Variants in BTD observed in about 807,000 individuals in gnomAD.
BTD encodes biotinidase.
In BTD, 13 loss-of-function variants were observed where a neutral mutation model predicts 17.7. The observed-to-expected ratio is 0.74, with a 90% CI of 0.48 to 1.17. The LOEUF (loss-of-function observed/expected upper bound fraction) is 1.17, where lower values mean the gene tolerates loss of function less well. BTD is among the 50% of genes most tolerant of loss of function. The pLI, the probability that BTD is intolerant of heterozygous loss-of-function variation, is 0.00. For synonymous variants in BTD, 240 were observed against 245.2 expected (o/e 0.98, Z 0.20); for missense variants, 674 against 650.4 (o/e 1.04, Z -0.39).
At chr3:15,680,110 T>A (rs1280931696) in intron 3 of BTD, among the ~76,000 whole-genome samples, 6 of 152,318 alleles carry the variant, frequency 3.9e-5, no homozygotes, top group African/African-American at 1.2e-4. Context: ...GCTATTTTTT[T>A]ATTTTTTTCT....
chr3:15,716,726 A>C (rs1272469880), downstream of BTD, among the ~76,000 whole-genome samples: 1 of 152,254 alleles, frequency 6.6e-6, no homozygotes, highest in Non-Finnish European at 1.5e-5. Context: ...AATTTGATTA[A>C]CAAAATGATG....
intron 1 of BTD, among the ~76,000 whole-genome samples, chr3:15,618,684 C>A (rs4298027): frequency 0.036 from 5,521 of 152,162 alleles, 278 homozygotes; most frequent in African/African-American, 0.11. Flanking sequence ...TGCCACCACA[C>A]CTGGCTAATG....
downstream of BTD, among the ~76,000 whole-genome samples, chr3:15,715,213 G>T (rs1051156567): frequency 1.3e-5 from 2 of 152,126 alleles, no homozygotes; most frequent in Non-Finnish European, 2.9e-5. Flanking sequence ...CCTGATTTAG[G>T]TTATCTTTTC....
chr3:15,611,620 T>G (rs1304487829), intron 1 of BTD, among the ~76,000 whole-genome samples: 4 of 152,112 alleles, frequency 2.6e-5, no homozygotes, highest in Non-Finnish European at 5.9e-5. Flanking sequence ...GTTTAGTTTT[T>G]TCTTTTATCC....
chr3:15,713,734 C>G, downstream of BTD: 1 of 717,250 alleles, frequency 1.4e-6, no homozygotes, highest in Non-Finnish European at 2.2e-6. Flanking sequence ...TGTTCACATA[C>G]AAACTAATAG....
In BTD at chr3:15,603,732, A is replaced by C. The variant is rs2064354421; in HGVS notation, c.-17+1838A>C. Among the ~76,000 whole-genome samples the C allele has an allele frequency of 2.6e-5, 4 of 152,256 alleles. No homozygotes were observed. The South Asian group carries it at 8.3e-4, about 31-fold the overall frequency. ...GTTACTTCCTAGATACAATGGGTGCACGGGAGTGAGGTAAATATACCCGTT... is the reference window on the plus strand; with the variant it reads ...GTTACTTCCTAGATACAATGGGTGCCCGGGAGTGAGGTAAATATACCCGTT... On this transcript the variant is annotated intron_variant, in intron 1 of 3. Coordinates refer to ENST00000643237, the MANE Select transcript of BTD (RefSeq NM_001370658.1).
chr3:15,703,031 T>C (rs928937283), intron 3 of BTD, among the ~76,000 whole-genome samples: 5 of 152,184 alleles, frequency 3.3e-5, no homozygotes, highest in African/African-American at 1.2e-4. Context: ...AAGGTCCCCA[T>C]AGTAAAAGGC....
chr3:15,614,343 T>C (rs903325453), intron 1 of BTD, among the ~76,000 whole-genome samples: 4 of 152,110 alleles, frequency 2.6e-5, no homozygotes, highest in Non-Finnish European at 4.4e-5. Context: ...CTTGAATTCC[T>C]GGCCTCAAGT....
chr3:15,645,774 C>G lies in BTD; in HGVS notation c.*286C>G, dbSNP rs2065680160. On this transcript the variant is annotated 3_prime_UTR_variant, in exon 4 of 4. Transcript: ENST00000643237. ...AAATCTCTCAGTATGCGATTGGTCT[C>G]AAGCTAAAACAAAAATAAATGTCAG... 1.2e-5 allele frequency: 4 copies of G among 346,562 alleles called. No individual in the cohort carries two copies. The South Asian group carries it at 2.1e-4, about 18-fold the overall frequency. 21.5% of individuals were successfully genotyped at this position (346,562 alleles called of 1,614,324 possible).
At chr3:15,657,666 C>T (rs2065884190), downstream of BTD, among the ~76,000 whole-genome samples, 1 of 152,140 alleles carries the variant, frequency 6.6e-6, no homozygotes, top group Non-Finnish European at 1.5e-5. Context: ...AAGCACCCTT[C>T]TTGGGTGGGG....
chr3:15,621,874 A>G (rs1574993028), intron 1 of BTD, among the ~76,000 whole-genome samples: 2 of 152,346 alleles, frequency 1.3e-5, no homozygotes, highest in Admixed American at 1.3e-4. Flanking sequence ...TGCTGGGATT[A>G]CAGGCGTGAG....
At chr3:15,695,558 T>C (rs2069414378) in intron 3 of BTD, among the ~76,000 whole-genome samples, 1 of 152,196 alleles carries the variant, frequency 6.6e-6, no homozygotes, top group African/African-American at 2.4e-5. Context: ...ATGTAATTTA[T>C]AAGGTAAGTC....
intron 3 of BTD, among the ~76,000 whole-genome samples, chr3:15,674,563 T>A (rs1048975725): frequency 6.6e-6 from 1 of 152,178 alleles, no homozygotes; most frequent in African/African-American, 2.4e-5. Flanking sequence ...CGTGGATATA[T>A]AGAGACTGTG....
At chr3:15,679,556 C>T (rs1389024502) in intron 3 of BTD, 1 of 1,610,554 alleles carries the variant, frequency 6.2e-7, no homozygotes, top group East Asian at 2.2e-5. Flanking sequence ...CTACACATGT[C>T]TCGTGACCTA....
intron 2 of BTD, among the ~76,000 whole-genome samples, chr3:15,639,931 C>A (rs2065452937): frequency 6.6e-6 from 1 of 152,062 alleles, no homozygotes; most frequent in Non-Finnish European, 1.5e-5. Flanking sequence ...TGGTGAAACC[C>A]CATCTCCACT....
chr3:15,701,723 C>T (rs568986805), intron 3 of BTD, among the ~76,000 whole-genome samples: 3 of 152,250 alleles, frequency 2.0e-5, no homozygotes, highest in East Asian at 3.9e-4. Flanking sequence ...ATAAAACCCA[C>T]GTCTGGCTCT....
chr3:15,602,281 G>C lies in BTD; in HGVS notation c.-17+387G>C. Reference sequence around the variant, plus strand: ...TTCCTACCCACTATTCAGCCATTGGGTCACAAGCGATGAAAAGAGCACCTT... The same window carrying C: ...TTCCTACCCACTATTCAGCCATTGGCTCACAAGCGATGAAAAGAGCACCTT... On this transcript the variant is annotated intron_variant, in intron 1 of 3. Coordinates refer to ENST00000643237, the MANE Select transcript of BTD (RefSeq NM_001370658.1). 5 of 1,199,948 alleles carry C rather than the reference G, an allele frequency of 4.2e-6. No homozygotes were observed. In the South Asian group the frequency reaches 1.2e-4, roughly 28 times the overall value. The allele number at this position is 1,199,948 out of a possible 1,614,324, so 74.3% of individuals were successfully genotyped here.
At chr3:15,617,452 G>A (rs2064827402) in intron 1 of BTD, among the ~76,000 whole-genome samples, 1 of 139,854 alleles carries the variant, frequency 7.2e-6, no homozygotes, top group Non-Finnish European at 1.5e-5. Context: ...TTCTTGTGAA[G>A]GGTATAAGAT....
rs2065790948 is a variant in BTD, at chr3:15,650,900, G to T, written c.*5412G>T. Among the ~76,000 whole-genome samples, 1 of 152,176 alleles carries T rather than the reference G, an allele frequency of 6.6e-6. No homozygotes were observed. The highest frequency in any genetic ancestry group is 1.5e-5 in the Non-Finnish European group (1 of 68,030). Reference sequence around the variant, plus strand: ...TTCTCCTGCCTCAGCCTTCCGAGTAGCTGGGACTACAGGCACGTGCCACCA... The same window carrying T: ...TTCTCCTGCCTCAGCCTTCCGAGTATCTGGGACTACAGGCACGTGCCACCA... On this transcript the variant is annotated 3_prime_UTR_variant, in exon 4 of 4. Coordinates refer to ENST00000643237, the MANE Select transcript of BTD (RefSeq NM_001370658.1).
Sources: gnomAD v4.1 joint callset for allele counts (sites outside exome capture counted in the v4.1 genomes callset) on GRCh38, gnomAD v4.1.1 for gene constraint, MANE v1.5 for transcripts, NCBI Gene and HGNC (gene_info 2026-07-23, HGNC 2026-07-21) for gene names.